The following CNTNAP2 variants were observed in gnomAD, a reference collection of about 807,000 sequenced individuals.
CNTNAP2 encodes contactin-associated protein-like 2.
A neutral mutation model predicts 155.2 loss-of-function variants in CNTNAP2; 98 were observed. The ratio of observed to expected loss-of-function variants is 0.63; its 90% CI spans 0.54 to 0.75. The LOEUF (loss-of-function observed/expected upper bound fraction) is 0.75. Ranked by LOEUF, CNTNAP2 falls within the 30% of genes least tolerant of loss-of-function variation. The pLI is 0.00. For missense variants in CNTNAP2, 1,727 were observed against 1,688.1 expected, an observed-to-expected ratio of 1.02 and a Z score of -0.40; for synonymous variants, 651 against 631.2, an observed-to-expected ratio of 1.03 and a Z score of -0.47.
intron 13 of CNTNAP2, among the ~76,000 whole-genome samples, chr7:147,649,891 C>T (rs1238167394): frequency 1.3e-5 from 2 of 151,940 alleles, no homozygotes; most frequent in East Asian, 3.9e-4. Flanking sequence ...GTACTTTAAA[C>T]TTTGTGAAGG....
intron 1 of CNTNAP2, among the ~76,000 whole-genome samples, chr7:146,231,093 C>G (rs1799376224): frequency 6.6e-6 from 1 of 151,748 alleles, no homozygotes. Flanking sequence ...TACCTGGAAC[C>G]TTATAAGCAT....
chr7:146,467,234 A>G (rs1584938776), intron 1 of CNTNAP2, among the ~76,000 whole-genome samples: 2 of 152,154 alleles, frequency 1.3e-5, no homozygotes, highest in Admixed American at 1.3e-4. Flanking sequence ...CTGGTCTTCT[A>G]TTCCTTAAAA....
chr7:146,795,476 G>A (rs1418808147), intron 2 of CNTNAP2, among the ~76,000 whole-genome samples: 1 of 152,184 alleles, frequency 6.6e-6, no homozygotes, highest in Non-Finnish European at 1.5e-5. Context: ...GCAAGGGAGT[G>A]GAAAGTGGGA....
At chr7:147,586,913 G>A (rs1204482001) in intron 12 of CNTNAP2, among the ~76,000 whole-genome samples, 3 of 152,092 alleles carry the variant, frequency 2.0e-5, no homozygotes, top group Admixed American at 2.0e-4. Context: ...AAGCATTTGT[G>A]CTCATCATTA....
At chr7:146,713,368 T>C (rs928047197) in intron 1 of CNTNAP2, among the ~76,000 whole-genome samples, 2 of 152,158 alleles carry the variant, frequency 1.3e-5, no homozygotes, top group Non-Finnish European at 2.9e-5. Flanking sequence ...ATACTTTTGC[T>C]TCTCTGGAAG....
chr7:147,622,553 A>G (rs1314135001), intron 12 of CNTNAP2, among the ~76,000 whole-genome samples: 2 of 152,054 alleles, frequency 1.3e-5, no homozygotes, highest in Admixed American at 6.6e-5. Flanking sequence ...TGAATAAATT[A>G]AGAAGGAAAT....
intron 1 of CNTNAP2, among the ~76,000 whole-genome samples, chr7:146,322,734 G>T (rs773255589): frequency 1.4e-5 from 2 of 144,414 alleles, no homozygotes; most frequent in Non-Finnish European, 3.0e-5. Context: ...AGTGGGGAAA[G>T]GAAGCAGGGC....
intron 1 of CNTNAP2, among the ~76,000 whole-genome samples, chr7:146,718,658 T>C (rs2129176638): frequency 6.6e-6 from 1 of 152,276 alleles, no homozygotes; most frequent in Non-Finnish European, 1.5e-5. Flanking sequence ...CAACTTAATA[T>C]TGTTGAAGTT....
chr7:146,571,976 C>T (rs1798448252), intron 1 of CNTNAP2, among the ~76,000 whole-genome samples: 1 of 152,154 alleles, frequency 6.6e-6, no homozygotes, highest in Admixed American at 6.5e-5. Context: ...ACCTCGGCCT[C>T]CCGAAGTGCC....
chr7:147,666,401 G>A (rs529678960), intron 13 of CNTNAP2, among the ~76,000 whole-genome samples: 3 of 152,286 alleles, frequency 2.0e-5, no homozygotes, highest in African/African-American at 7.2e-5. Flanking sequence ...TCATGTGTGT[G>A]TGGTGATGCT....
At chr7:147,494,549 C>T (rs1798665831) in intron 11 of CNTNAP2, among the ~76,000 whole-genome samples, 1 of 149,810 alleles carries the variant, frequency 6.7e-6, no homozygotes, top group South Asian at 2.1e-4. Context: ...ATCCTATGAA[C>T]TTCTCCGAAG....
At chr7:146,303,854 G>A (rs1435689873) in intron 1 of CNTNAP2, among the ~76,000 whole-genome samples, 2 of 152,070 alleles carry the variant, frequency 1.3e-5, no homozygotes, top group Non-Finnish European at 2.9e-5. Flanking sequence ...TCTGTCTAAT[G>A]TTGACAGTGG....
chr7:147,929,267 G>T (rs905791484), intron 14 of CNTNAP2, among the ~76,000 whole-genome samples: 1 of 152,072 alleles, frequency 6.6e-6, no homozygotes, highest in Non-Finnish European at 1.5e-5. Flanking sequence ...TTTAGAAAGG[G>T]ATAGAAGAGA....
At chr7:147,662,775 C>T (rs755592571) in intron 13 of CNTNAP2, among the ~76,000 whole-genome samples, 8 of 152,192 alleles carry the variant, frequency 5.3e-5, no homozygotes, top group Non-Finnish European at 1.0e-4. Context: ...GACATCTCTA[C>T]AGGCTAGCTA....
At chr7:146,368,381 T>A (rs533372014) in intron 1 of CNTNAP2, among the ~76,000 whole-genome samples, 1 of 152,258 alleles carries the variant, frequency 6.6e-6, no homozygotes, top group East Asian at 1.9e-4. Flanking sequence ...AGTCAGTGAA[T>A]TAGCAGATGA....
At chr7:147,993,503 C>A (rs908172582) in intron 15 of CNTNAP2, among the ~76,000 whole-genome samples, 1 of 152,132 alleles carries the variant, frequency 6.6e-6, no homozygotes, top group African/African-American at 2.4e-5. Context: ...CTGATAATCC[C>A]CAAAAAAGTC....
At chr7:147,169,996 C>T (rs1236191025) in intron 8 of CNTNAP2, among the ~76,000 whole-genome samples, 3 of 151,660 alleles carry the variant, frequency 2.0e-5, no homozygotes, top group South Asian at 2.1e-4. Context: ...GTAGTGGGCT[C>T]GTTTGGGGGT....
At chr7:147,914,612 A>G (rs1200604222) in intron 14 of CNTNAP2, among the ~76,000 whole-genome samples, 2 of 152,004 alleles carry the variant, frequency 1.3e-5, no homozygotes, top group South Asian at 2.1e-4. Flanking sequence ...CCCAGCTGAA[A>G]TACAGTGACA....
intron 21 of CNTNAP2, among the ~76,000 whole-genome samples, chr7:148,379,762 A>G (rs565205912): frequency 1.3e-5 from 2 of 152,232 alleles, no homozygotes; most frequent in East Asian, 3.9e-4. Flanking sequence ...TGCTTATCCA[A>G]TCGCTGAAAA....
Sources: gnomAD v4.1 joint callset for allele counts (sites outside exome capture counted in the v4.1 genomes callset) on GRCh38, gnomAD v4.1.1 for gene constraint, MANE v1.5 for transcripts, NCBI Gene and HGNC (gene_info 2026-07-23, HGNC 2026-07-21) for gene names.